The following AOAH variants were observed in gnomAD, a reference collection of about 807,000 sequenced individuals.
AOAH encodes acyloxyacyl hydrolase (neutrophil).
Under a neutral mutation model 92.2 loss-of-function variants are expected in AOAH, and 64 were observed. The ratio of observed to expected loss-of-function variants is 0.69; its 90% CI spans 0.57 to 0.86. AOAH has a LOEUF of 0.86. AOAH is among the 40% of genes least tolerant of loss of function. The probability of loss-of-function intolerance (pLI) is 0.00; values close to 1 mark genes in which losing one functional copy is unlikely to be tolerated. For synonymous variants in AOAH, 263 were observed against 254.5 expected (o/e 1.03, Z -0.32); for missense variants, 656 against 694.6 (o/e 0.94, Z 0.62).
intron 19 of AOAH, among the ~76,000 whole-genome samples, chr7:36,525,586 G>T (rs1161053325): frequency 6.6e-6 from 1 of 152,172 alleles, no homozygotes; most frequent in Non-Finnish European, 1.5e-5. Context: ...TAGTGATGCA[G>T]GTTGAGCATC....
chr7:36,678,583 G>T (rs1431513346), intron 2 of AOAH, among the ~76,000 whole-genome samples: 1 of 133,620 alleles, frequency 7.5e-6, no homozygotes, highest in African/African-American at 3.2e-5. Context: ...GTGTGTGTGT[G>T]TGTGTGTGTG....
At chr7:36,553,683 C>T (rs1233979204) in intron 13 of AOAH, among the ~76,000 whole-genome samples, 3 of 151,998 alleles carry the variant, frequency 2.0e-5, no homozygotes, top group African/African-American at 7.3e-5. Context: ...GCCATTCTAA[C>T]TGGTGTGAGA....
chr7:36,718,011 G>C lies in AOAH; in HGVS notation c.127+6011C>G, dbSNP rs74301296. On this transcript the variant is annotated intron_variant, in intron 1 of 20. Transcript: ENST00000617537. ...TTCGTGAAAGGACACCATTATGAAA[G>C]TGGGGGAAGGAAACACAGAATGGGA... Among the ~76,000 whole-genome samples the C allele has an allele frequency of 3.6e-3, 547 of 152,202 alleles. 7 individuals carry two copies. The East Asian group carries it at 0.038, about 11-fold the overall frequency.
At chr7:36,626,301 C>T (rs1179122656) in intron 6 of AOAH, among the ~76,000 whole-genome samples, 1 of 152,204 alleles carries the variant, frequency 6.6e-6, no homozygotes, top group Admixed American at 6.5e-5. Flanking sequence ...GCTATCCCCT[C>T]CCACCTTTGT....
chr7:36,711,736 C>A (rs986278387), intron 1 of AOAH, among the ~76,000 whole-genome samples: 1 of 152,168 alleles, frequency 6.6e-6, no homozygotes, highest in African/African-American at 2.4e-5. Flanking sequence ...CCGCGAAGAT[C>A]TGCCTGGCCC....
At chr7:36,707,378 CATCAAAG>C (rs1798489113) in intron 1 of AOAH, among the ~76,000 whole-genome samples, 1 of 152,010 alleles carries the variant, frequency 6.6e-6, no homozygotes, top group Non-Finnish European at 1.5e-5. Flanking sequence ...ACAATAGTAA[CATCAAAG>C]ATCACTGAAC....
At position 36,637,885 on chromosome 7, in the gene AOAH, T is replaced by C; in HGVS notation, c.416A>G (p.Lys139Arg). ...GGACTTCTTGACAATTTGTCTTGCC[T>C]TCTGTAGTGTAAATTTCCATGTCTC... ...PKETWKFTLQ[K>R]ARQIVKKSPI... is the part of the protein sequence containing the mutation. Residue 139 changes from lysine to arginine, a missense_variant, in exon 5 of 21, where the codon AAG becomes AGG. By Grantham distance (26) the Lys-to-Arg change is conservative (BLOSUM62 2). Coordinates refer to ENST00000617537, the MANE Select transcript of AOAH (RefSeq NM_001637.4). 6.2e-7 allele frequency: 1 copy of C among 1,614,048 alleles called. No individual in the cohort carries two copies. The highest frequency in any genetic ancestry group is 8.5e-7 in the Non-Finnish European group (1 of 1,179,886).
chr7:36,719,005 C>T (rs1268066595), intron 1 of AOAH, among the ~76,000 whole-genome samples: 1 of 152,188 alleles, frequency 6.6e-6, no homozygotes, highest in African/African-American at 2.4e-5. Context: ...GATTTAATCA[C>T]ATCAACAATA....
chr7:36,680,599 G>A (rs750429575), intron 2 of AOAH, among the ~76,000 whole-genome samples: 3 of 152,138 alleles, frequency 2.0e-5, no homozygotes, highest in Non-Finnish European at 2.9e-5. Context: ...CTAGGAGAAC[G>A]TCTATCTTTG....
chr7:36,626,202 C>T (rs986495148), intron 6 of AOAH, among the ~76,000 whole-genome samples: 1 of 151,964 alleles, frequency 6.6e-6, no homozygotes, highest in Non-Finnish European at 1.5e-5. Context: ...GAGAAAGAGA[C>T]AGAAATGACG....
intron 1 of AOAH, among the ~76,000 whole-genome samples, chr7:36,722,536 C>A (rs1799695664): frequency 6.6e-6 from 1 of 152,058 alleles, no homozygotes; most frequent in South Asian, 2.1e-4. Flanking sequence ...TTAAGGAAAC[C>A]AAATACTGGG....
At chr7:36,672,660 C>T (rs748553287) in intron 3 of AOAH, among the ~76,000 whole-genome samples, 2 of 151,964 alleles carry the variant, frequency 1.3e-5, no homozygotes, top group African/African-American at 4.8e-5. Flanking sequence ...AGGACAAATA[C>T]CTAATGAATG....
intron 13 of AOAH, among the ~76,000 whole-genome samples, chr7:36,549,849 G>C (rs1786073362): frequency 6.6e-6 from 1 of 152,154 alleles, no homozygotes; most frequent in South Asian, 2.1e-4. Context: ...TGAAGAATTA[G>C]AGGAAAACGA....
At chr7:36,682,060 C>T (rs1230562719) in intron 2 of AOAH, among the ~76,000 whole-genome samples, 1 of 152,160 alleles carries the variant, frequency 6.6e-6, no homozygotes, top group Non-Finnish European at 1.5e-5. Context: ...GCATGGCAGG[C>T]CAATTAGAGA....
At chr7:36,577,069 A>G (rs1486068825) in intron 12 of AOAH, among the ~76,000 whole-genome samples, 1 of 138,110 alleles carries the variant, frequency 7.2e-6, no homozygotes, top group African/African-American at 2.7e-5. Flanking sequence ...GGTTGACACT[A>G]TTATTGTCCT....
At chr7:36,710,296 G>A (rs1798680764) in intron 1 of AOAH, among the ~76,000 whole-genome samples, 1 of 152,200 alleles carries the variant, frequency 6.6e-6, no homozygotes, top group South Asian at 2.1e-4. Flanking sequence ...CCCTTTAAAT[G>A]TAGAGTTTTC....
chr7:36,632,055 T>G lies in AOAH; in HGVS notation c.502A>C (p.Ile168Leu). 2 of 1,612,918 alleles carry G rather than the reference T, an allele frequency of 1.2e-6. No individual in the cohort carries two copies. Among genetic ancestry groups the G allele is most frequent in the South Asian group, 2.2e-5 (2 of 90,820 alleles). ...ACATACAATTTAATTTTCTGGCAGA[T>G]CTTGGCCAAAACCGGGAGTGAACAA... is the stretch of plus-strand genomic sequence containing the variant. ...DICSLPVLAKICQKIKLAMEQ... is the reference protein window; with the variant it reads ...DICSLPVLAKLCQKIKLAMEQ... The change falls in exon 6 of 21, where the codon ATC becomes CTC. Residue 168 changes from isoleucine (I) to leucine (L), a missense_variant. Physicochemically the swap from Ile to Leu is conservative, Grantham distance 5. Transcript: ENST00000617537.
chr7:36,519,040 T>C (rs1015412176), intron 20 of AOAH, among the ~76,000 whole-genome samples: 7 of 152,120 alleles, frequency 4.6e-5, no homozygotes, highest in Admixed American at 4.6e-4. Context: ...TTTCCTTTTG[T>C]TTTTCTCCGT....
At chr7:36,638,447 C>G (rs1452327059) in intron 4 of AOAH, among the ~76,000 whole-genome samples, 2 of 152,222 alleles carry the variant, frequency 1.3e-5, no homozygotes, top group Non-Finnish European at 2.9e-5. Flanking sequence ...CTCCTGTCCT[C>G]TTTCAACCAT....
Sources: allele counts gnomAD v4.1 joint callset (sites outside exome capture counted in the v4.1 genomes callset), GRCh38; gene constraint gnomAD v4.1.1; transcripts MANE v1.5; gene names NCBI Gene and HGNC (gene_info 2026-07-23, HGNC 2026-07-21).